The following KIN variants were observed in gnomAD, a reference collection of about 807,000 sequenced individuals.
KIN encodes DNA/RNA-binding protein KIN17.
KIN carries 47 observed loss-of-function variants against 63.0 expected under a neutral mutation model. The ratio of observed to expected loss-of-function variants is 0.75; its 90% CI spans 0.59 to 0.95. KIN has a LOEUF of 0.95. Ranked by LOEUF, KIN falls within the 40% of genes least tolerant of loss-of-function variation. The pLI is 0.00. For missense variants in KIN, 408 were observed against 460.9 expected (o/e 0.89, Z 1.05); for synonymous variants, 160 against 157.7 (o/e 1.01, Z -0.11).
Position 7,751,542 on chromosome 10 carries a change from C to T in KIN, c.*4538G>A, listed in dbSNP as rs569471522. ...AGCCTAAGCAACACAGTGAGACTCC[C>T]ATCTCTTTATAGAAATAAATAAAAA... On this transcript the variant is annotated 3_prime_UTR_variant, in exon 13 of 13. Transcript: ENST00000379562. 6.6e-6 allele frequency: 1 copy of T among 152,118 alleles called. No individual in the cohort carries two copies. Among genetic ancestry groups the T allele is most frequent in the East Asian group, 1.9e-4 (1 of 5,182 alleles). The allele number at this position is 152,118 out of a possible 1,614,324, so 9.4% of individuals were successfully genotyped here.
intron 8 of KIN, 104 bp from the exon 9 acceptor site, chr10:7,766,207 T>TAGAGG: frequency 1.7e-5 from 11 of 662,038 alleles, no homozygotes; most frequent in Non-Finnish European, 2.9e-5. Flanking sequence ...TGAAGTCCTC[T>TAGAGG]ACTTCACAGA....
At chr10:7,784,431 T>C (rs1260673530) in intron 1 of KIN, among the ~76,000 whole-genome samples, 1 of 152,034 alleles carries the variant, frequency 6.6e-6, no homozygotes, top group Non-Finnish European at 1.5e-5. Context: ...AAGATATTTT[T>C]TGAAAATTAG....
In KIN at chr10:7,762,822, A is replaced by G. The variant is rs546022082; in HGVS notation, c.919-266T>C. 1.1e-4 allele frequency among the ~76,000 whole-genome samples: 17 copies of G among 152,340 alleles called. No individual in the cohort carries two copies. In the South Asian group the frequency reaches 1.2e-3, roughly 11 times the overall value. On this transcript the variant is annotated intron_variant, in intron 10 of 12. Transcript: ENST00000379562. ...CTGGAATAAGACTTTAAGAAATCTA[A>G]CAAGAGGGGTAGTTTTGCCTAGCTT...
At chr10:7,787,009 T>C (rs1308160687) in intron 1 of KIN, among the ~76,000 whole-genome samples, 1 of 152,142 alleles carries the variant, frequency 6.6e-6, no homozygotes, top group Non-Finnish European at 1.5e-5. Flanking sequence ...AAAAATATGA[T>C]CACATCACTA....
chr10:7,762,638 A>G (rs1254447557), intron 10 of KIN, 82 bp from the exon 11 acceptor site: 14 of 677,272 alleles, frequency 2.1e-5, no homozygotes, highest in Admixed American at 1.7e-4. Context: ...TGAAATGAAG[A>G]CAAATAAAAT....
chr10:7,779,604 T>C (rs1051097849), intron 4 of KIN, among the ~76,000 whole-genome samples: 16 of 152,212 alleles, frequency 1.1e-4, no homozygotes, highest in African/African-American at 3.9e-4. Context: ...AGACATTTTT[T>C]CCTTCCCATT....
At position 7,779,058 on chromosome 10, in the gene KIN, C is replaced by T. The variant is rs759301315; in HGVS notation, c.377-39G>A. Reference sequence around the variant, plus strand: ...CCACTGCCATAAATTAGCATACAATCAAAGCAAAACATAAATATGAATGTG... The same window carrying T: ...CCACTGCCATAAATTAGCATACAATTAAAGCAAAACATAAATATGAATGTG... On this transcript the variant is annotated intron_variant, in intron 4 of 12. Transcript: ENST00000379562. The T allele has an allele frequency of 7.0e-6, 11 of 1,580,506 alleles. No homozygotes were observed. In the African/African-American group the frequency reaches 8.2e-5, roughly 12 times the overall value.
In KIN at chr10:7,759,911, T is replaced by A; in HGVS notation, c.1098A>T (p.Ser366=). Reference sequence around the variant, plus strand: ...TTACAGTTTCAATGACGATAGTAGCTGAAAAAGTCTTCTCATTGATGGATT... The same window carrying A: ...TTACAGTTTCAATGACGATAGTAGCAGAAAAAGTCTTCTCATTGATGGATT... ...TLESINEKTF[S]ATIVIETGPL... is the part of the protein sequence containing the mutation. Residue 366 remains serine (S), a synonymous_variant, in exon 12 of 13, where the codon TCA becomes TCT. Transcript: ENST00000379562. The A allele has an allele frequency of 6.4e-7, 1 of 1,553,550 alleles. No homozygotes were observed.
intron 8 of KIN, among the ~76,000 whole-genome samples, chr10:7,767,032 A>T (rs11594854): frequency 6.8e-6 from 1 of 147,570 alleles, no homozygotes; most frequent in African/African-American, 2.5e-5. Flanking sequence ...CAAAAAAAAA[A>T]AAAAAACCTC....
Position 7,755,913 on chromosome 10 carries a change from T to C in KIN, c.*167A>G, listed in dbSNP as rs749666457. ...TAGTTTGATACCTCATGAGACATAA[T>C]TAAATTCTTCTCAAAGTTTAGCTGA... On this transcript the variant is annotated 3_prime_UTR_variant, in exon 13 of 13. Coordinates refer to ENST00000379562, the MANE Select transcript of KIN (RefSeq NM_012311.4). 3.6e-5 allele frequency: 17 copies of C among 472,496 alleles called. No individual in the cohort carries two copies. The highest frequency in any genetic ancestry group is 5.6e-5 in the Non-Finnish European group (15 of 266,652). 29.3% of individuals were successfully genotyped at this position (472,496 alleles called of 1,614,324 possible).
chr10:7,770,186 C>T (rs546735601), intron 7 of KIN, among the ~76,000 whole-genome samples: 23 of 152,328 alleles, frequency 1.5e-4, no homozygotes, highest in Admixed American at 1.1e-3. Flanking sequence ...CTGCCTTGGC[C>T]TCCCAAAGTG....
chr10:7,787,736 G>A, intron 1 of KIN, 84 bp downstream of exon 1: 1 of 1,074,518 alleles, frequency 9.3e-7, no homozygotes, highest in Non-Finnish European at 1.4e-6. Context: ...CCCCAGCCCC[G>A]CGCCCTCAGC....
chr10:7,751,414 A>G lies in KIN; in HGVS notation c.*4666T>C, dbSNP rs1835242642. Reference sequence around the variant, plus strand: ...ATCTTAAGGAAATCTGATTGTTTCTAGAAGCTAAAGATTACTGGCTGGGTG... The same window carrying G: ...ATCTTAAGGAAATCTGATTGTTTCTGGAAGCTAAAGATTACTGGCTGGGTG... On this transcript the variant is annotated 3_prime_UTR_variant, in exon 13 of 13. Coordinates refer to ENST00000379562, the MANE Select transcript of KIN (RefSeq NM_012311.4). 6.6e-6 allele frequency: 1 copy of G among 152,188 alleles called. No individual in the cohort carries two copies. Among genetic ancestry groups the G allele is most frequent in the South Asian group, 2.1e-4 (1 of 4,832 alleles). The allele number at this position is 152,188 out of a possible 1,614,324, so 9.4% of individuals were successfully genotyped here.
rs746493638 is a variant in KIN at position 7,756,130 on chromosome 10, C to T, written c.1132G>A (p.Gly378Arg). 3 of 1,581,260 alleles carry T rather than the reference C, an allele frequency of 1.9e-6. No homozygotes were observed. The highest frequency in any genetic ancestry group is 1.7e-6 in the Non-Finnish European group (2 of 1,162,206). Residue 378 changes from glycine to arginine, a missense_variant, in exon 13 of 13, where the codon GGA becomes AGA. Around this residue, in one of 2 missense-constraint regions of KIN, gnomAD observed 298 missense variants for 296.0 expected, o/e 1.01. Transcript: ENST00000379562. The stretch of plus-strand genomic sequence containing the variant: ...TATTGAATTCCTTCAACTCTGCGTC[C>T]TTTTAAAGGGCCCTACAAATTAAAA... ...TIVIETGPLK[G>R]RRVEGIQYED...
At position 7,774,895 on chromosome 10, in the gene KIN, G is replaced by A; in HGVS notation, c.608-4C>T. 1 of 1,606,906 alleles carries A rather than the reference G, an allele frequency of 6.2e-7. No homozygotes were observed. The highest frequency in any genetic ancestry group is 8.5e-7 in the Non-Finnish European group (1 of 1,174,474). Reference sequence around the variant, plus strand: ...CCTTTACTCAAATTAAACGTGACTAGAAGAAAAAAATGTTATTCCATACAT... The same window carrying A: ...CCTTTACTCAAATTAAACGTGACTAAAAGAAAAAAATGTTATTCCATACAT... On this transcript the variant is annotated splice_region_variant and splice_polypyrimidine_tract_variant and intron_variant, in intron 6 of 12. Transcript: ENST00000379562.
chr10:7,758,801 A>G (rs1039930787), intron 12 of KIN, among the ~76,000 whole-genome samples: 2 of 152,198 alleles, frequency 1.3e-5, no homozygotes, highest in African/African-American at 4.8e-5. Flanking sequence ...TTAAAACTCA[A>G]TCTGCTAATT....
intron 7 of KIN, among the ~76,000 whole-genome samples, chr10:7,774,593 G>A (rs1387919478): frequency 6.6e-6 from 1 of 151,802 alleles, no homozygotes; most frequent in Non-Finnish European, 1.5e-5. Flanking sequence ...CTGGGAGGCT[G>A]AGGCAGGAAG....
chr10:7,776,074 C>CA (rs1244815647), intron 5 of KIN, among the ~76,000 whole-genome samples: 2 of 151,222 alleles, frequency 1.3e-5, no homozygotes, highest in East Asian at 3.9e-4. Context: ...TAAAAATACA[C>CA]AAAAAATTAG....
intron 12 of KIN, among the ~76,000 whole-genome samples, chr10:7,757,404 CAGA>C (rs1460018111): frequency 3.9e-5 from 6 of 152,064 alleles, no homozygotes; most frequent in African/African-American, 1.4e-4. Flanking sequence ...GAGGCTGGAG[CAGA>C]AGAATTTCTT....
Sources: allele counts gnomAD v4.1 joint callset (sites outside exome capture counted in the v4.1 genomes callset), GRCh38; gene constraint gnomAD v4.1.1; regional missense constraint gnomAD v4.1.1; transcripts MANE v1.5; gene names NCBI Gene and HGNC (gene_info 2026-07-23, HGNC 2026-07-21).